ANKRD30B: variants seen among roughly 807,000 people sequenced by gnomAD.
ANKRD30B encodes the protein ankyrin repeat domain 30B, also known as ankyrin repeat domain-containing protein 30B.
Under a neutral mutation model 202.2 loss-of-function variants are expected in ANKRD30B, and 144 were observed. The ratio of observed to expected loss-of-function variants is 0.71; its 90% CI spans 0.62 to 0.82. The LOEUF is 0.82. ANKRD30B is among the 40% of genes least tolerant of loss of function. The pLI is 0.00. For missense variants in ANKRD30B, 1,487 were observed against 1,669.1 expected, an observed-to-expected ratio of 0.89 and a Z score of 1.90; for synonymous variants, 508 against 561.3, an observed-to-expected ratio of 0.91 and a Z score of 1.34.
intron 3 of ANKRD30B, 134 bp downstream of exon 3, chr18:14,753,146 A>C: frequency 1.5e-6 from 1 of 676,292 alleles, no homozygotes; most frequent in Middle Eastern, 4.4e-4. Flanking sequence ...TAATTATCTA[A>C]GATTTAACCT....
the ANKRD30B span, among the ~76,000 whole-genome samples, chr18:14,924,601 AG>A: frequency 2.6e-5 from 4 of 152,240 alleles, no homozygotes; most frequent in Admixed American, 1.3e-4. Flanking sequence ...GGGAGCACAC[AG>A]CAGGGGCTGG....
chr18:14,907,507 C>T, the ANKRD30B span, among the ~76,000 whole-genome samples: 1 of 152,112 alleles, frequency 6.6e-6, no homozygotes, highest in Non-Finnish European at 1.5e-5. Context: ...AGGGAGAGGG[C>T]GTAGGAGCGG....
intron 30 of ANKRD30B, chr18:14,816,883 G>T (rs913367108): frequency 2.6e-5 from 4 of 152,140 alleles, no homozygotes; most frequent in Admixed American, 6.6e-5. Flanking sequence ...AACACTGCGT[G>T]TTCTCACTCA....
At chr18:14,845,944 T>C (rs1044500946) in intron 39 of ANKRD30B, among the ~76,000 whole-genome samples, 1 of 152,150 alleles carries the variant, frequency 6.6e-6, no homozygotes, top group African/African-American at 2.4e-5. Flanking sequence ...ATCCAAAAAC[T>C]CCTACCTCCT....
intron 32 of ANKRD30B, among the ~76,000 whole-genome samples, chr18:14,826,663 TCTCTCTCTCTCCCC>T (rs1334022017): frequency 3.7e-5 from 5 of 133,950 alleles, no homozygotes; most frequent in African/African-American, 1.2e-4. Context: ...TGTTTCTCTC[TCTCTCTCTCTCCCC>T]CTCTCTCTCT....
Position 14,851,715 on chromosome 18 carries a change from A to G in ANKRD30B, c.3771A>G (p.Thr1257=). Residue 1257 remains threonine, a synonymous_variant, in exon 42 of 44, where the codon ACA becomes ACG. Transcript: ENST00000690538. ...MTLKLKQKTV[T]KRASQYREQL... Reference sequence around the variant, plus strand: ...TAAAACTGAAACAGAAAACAGTAACAAAAAGGGCATCTCAGTATAGAGAGC... The same window carrying G: ...TAAAACTGAAACAGAAAACAGTAACGAAAAGGGCATCTCAGTATAGAGAGC... The G allele has an allele frequency of 6.2e-7, 1 of 1,610,894 alleles. No individual in the cohort carries two copies. Among genetic ancestry groups the G allele is most frequent in the Non-Finnish European group, 8.5e-7 (1 of 1,178,700 alleles).
Position 14,796,215 on chromosome 18 carries a change from G to C in ANKRD30B, c.1826-6G>C, listed in dbSNP as rs9303863. ...TAATCAATTATATATGTCCCTTTAC[G>C]TTTAGAGTCTCCTGTTAAAGATGGT... On this transcript the variant is annotated splice_region_variant and splice_polypyrimidine_tract_variant and intron_variant, in intron 16 of 43. Coordinates refer to ENST00000690538, the MANE Select transcript of ANKRD30B (RefSeq NM_001367607.2). 6.3e-7 allele frequency: 1 copy of C among 1,590,874 alleles called. No homozygotes were observed. The highest frequency in any genetic ancestry group is 1.1e-5 in the South Asian group (1 of 90,496).
At chr18:14,872,701 A>G in the ANKRD30B span, among the ~76,000 whole-genome samples, 1 of 151,972 alleles carries the variant, frequency 6.6e-6, no homozygotes, top group Admixed American at 6.6e-5. Flanking sequence ...ATTTTTCTTA[A>G]TGCTCCCCAC....
In ANKRD30B at chr18:14,777,999, T is replaced by C; in HGVS notation, c.1344T>C (p.Ser448=). The change falls in exon 10 of 44, where the codon AGT becomes AGC. Residue 448 remains serine, a synonymous_variant. Coordinates refer to ENST00000690538, the MANE Select transcript of ANKRD30B (RefSeq NM_001367607.2). ...ACCTTTAACAGATTATCTCTAAGAGTGCTGCACAGAATTATACGTGTTTAC... is the reference window on the plus strand; with the variant it reads ...ACCTTTAACAGATTATCTCTAAGAGCGCTGCACAGAATTATACGTGTTTAC... ...FNLATKIISK[S]AAQNYTCLPD... 6.5e-7 allele frequency: 1 copy of C among 1,546,316 alleles called. No homozygotes were observed. The highest frequency in any genetic ancestry group is 1.2e-5 in the South Asian group (1 of 83,814).
chr18:14,793,471 A>G lies in ANKRD30B; in HGVS notation c.1825+1980A>G, dbSNP rs187781941. ...CTGATTCAAGATCACTTATCTCCTC[A>G]TCACTCAGCGTATACATATTGGCAT... On this transcript the variant is annotated intron_variant, in intron 16 of 43. Coordinates refer to ENST00000690538, the MANE Select transcript of ANKRD30B (RefSeq NM_001367607.2). Among the ~76,000 whole-genome samples the G allele has an allele frequency of 3.6e-3, 544 of 152,036 alleles. 13 individuals are homozygous for G. In the East Asian group the frequency reaches 0.079, roughly 22 times the overall value.
At chr18:14,856,083 T>C (rs1444561879), downstream of ANKRD30B, among the ~76,000 whole-genome samples, 22 of 98,768 alleles carry the variant, frequency 2.2e-4, no homozygotes, top group South Asian at 3.6e-4. Flanking sequence ...CTAGATGGGG[T>C]GGCCGGGCAG....
chr18:14,822,199 C>T (rs1970456534), intron 30 of ANKRD30B, among the ~76,000 whole-genome samples: 2 of 152,158 alleles, frequency 1.3e-5, no homozygotes, highest in Non-Finnish European at 2.9e-5. Flanking sequence ...CTTACTCTTA[C>T]TGGTATTAGG....
chr18:14,876,778 A>C, the ANKRD30B span, among the ~76,000 whole-genome samples: 10 of 152,226 alleles, frequency 6.6e-5, no homozygotes, highest in Non-Finnish European at 1.5e-4. Context: ...CTTAAAATGC[A>C]CCAGAGTGTT....
chr18:14,856,116 G>A (rs1249128035), downstream of ANKRD30B, among the ~76,000 whole-genome samples: 46 of 139,540 alleles, frequency 3.3e-4, no homozygotes, highest in Middle Eastern at 4.3e-3. Flanking sequence ...CCTCCCAGAC[G>A]GGGAGACCAG....
the ANKRD30B span, among the ~76,000 whole-genome samples, chr18:14,916,744 G>A: frequency 4.6e-5 from 7 of 152,188 alleles, no homozygotes; most frequent in African/African-American, 1.7e-4. Flanking sequence ...AATATGTAAT[G>A]TGAAGGCCAA....
At chr18:14,909,525 A>C in the ANKRD30B span, among the ~76,000 whole-genome samples, 2 of 152,038 alleles carry the variant, frequency 1.3e-5, no homozygotes, top group South Asian at 4.2e-4. Context: ...CTTCCCCCTC[A>C]GCCTCCCAAA....
the ANKRD30B span, among the ~76,000 whole-genome samples, chr18:14,896,143 TTTTTTTTTGAGGCAC>T: frequency 6.6e-6 from 1 of 151,978 alleles, no homozygotes; most frequent in East Asian, 1.9e-4. Context: ...CTCATTTTTT[TTTTTTTTTGAGGCAC>T]TCTCACTCTG....
At chr18:14,762,883 G>A (rs1315813997) in intron 6 of ANKRD30B, among the ~76,000 whole-genome samples, 2 of 152,098 alleles carry the variant, frequency 1.3e-5, no homozygotes, top group African/African-American at 2.4e-5. Flanking sequence ...CATAGTTTGG[G>A]TCTTTAAGGT....
At chr18:14,784,124 A>T (rs1051448302) in intron 12 of ANKRD30B, among the ~76,000 whole-genome samples, 3 of 152,156 alleles carry the variant, frequency 2.0e-5, no homozygotes, top group African/African-American at 7.2e-5. Flanking sequence ...TGAGGTCTTA[A>T]CTGCATGATC....
Sources: gnomAD v4.1 joint callset for allele counts (sites outside exome capture counted in the v4.1 genomes callset) on GRCh38, gnomAD v4.1.1 for gene constraint, MANE v1.5 for transcripts, NCBI Gene and HGNC (gene_info 2026-07-23, HGNC 2026-07-21) for gene names.